PLA2G4F: variants seen among roughly 807,000 people sequenced by gnomAD.
PLA2G4F encodes phospholipase A2 group IVF, also known as cytosolic phospholipase A2 zeta.
PLA2G4F carries 105 observed loss-of-function variants against 103.1 expected under a neutral mutation model. The observed-to-expected ratio is 1.02, with a 90% CI of 0.87 to 1.20. PLA2G4F has a LOEUF of 1.20. PLA2G4F is among the 50% of genes most tolerant of loss of function. The pLI, the probability that PLA2G4F is intolerant of heterozygous loss-of-function variation, is 0.00. For missense variants in PLA2G4F, 1,155 were observed against 1,075.9 expected, an observed-to-expected ratio of 1.07 and a Z score of -1.03; for synonymous variants, 468 against 441.1, an observed-to-expected ratio of 1.06 and a Z score of -0.76.
intron 1 of PLA2G4F, 35 bp from the exon 2 acceptor site, chr15:42,155,624 A>C: frequency 6.3e-7 from 1 of 1,597,988 alleles, no homozygotes; most frequent in Non-Finnish European, 8.6e-7. Context: ...TCAGTCAGCT[A>C]GTGTGAGCCT....
rs116404033 is a variant in PLA2G4F at position 42,154,880 on chromosome 15, C to T, written c.185-422G>A. On this transcript the variant is annotated intron_variant, in intron 2 of 19. Coordinates refer to ENST00000397272, the MANE Select transcript of PLA2G4F (RefSeq NM_213600.4). Reference sequence around the variant, plus strand: ...GAGGCCGAGTCTGCACAGCTGTCCCCTCCAGCCCTGCCTGCCCTCACCTCC... The same window carrying T: ...GAGGCCGAGTCTGCACAGCTGTCCCTTCCAGCCCTGCCTGCCCTCACCTCC... Among the ~76,000 whole-genome samples, 649 of 152,268 alleles carry T rather than the reference C, an allele frequency of 4.3e-3. 5 individuals are homozygous for T. The highest frequency in any genetic ancestry group is 0.015 in the African/African-American group (620 of 41,550).
intron 1 of PLA2G4F, among the ~76,000 whole-genome samples, chr15:42,156,024 C>T (rs1200052596): frequency 1.3e-5 from 2 of 152,148 alleles, no homozygotes; most frequent in African/African-American, 2.4e-5. Flanking sequence ...TAGGAGGCAG[C>T]GAGCAGGTGA....
At chr15:42,151,162 A>T in intron 7 of PLA2G4F, 13 of 985,212 alleles carry the variant, frequency 1.3e-5, no homozygotes, top group Non-Finnish European at 1.6e-5. Flanking sequence ...CAGCCTCTTT[A>T]CTCATTGTGT....
Position 42,141,870 on chromosome 15 carries a change from C to T in PLA2G4F, c.*114G>A. The T allele has an allele frequency of 8.6e-7, 1 of 1,156,608 alleles. No individual in the cohort carries two copies. Among genetic ancestry groups the T allele is most frequent in the Non-Finnish European group, 1.2e-6 (1 of 814,564 alleles). 71.6% of individuals were successfully genotyped at this position (1,156,608 alleles called of 1,614,324 possible). On this transcript the variant is annotated 3_prime_UTR_variant, in exon 20 of 20. Coordinates refer to ENST00000397272, the MANE Select transcript of PLA2G4F (RefSeq NM_213600.4). ...GGCCTGGGGCACCTCGAGGCAGGTC[C>T]TGGAGAGAAGGGAAGCAGATCCTGC...
At position 42,152,773 on chromosome 15, in the gene PLA2G4F, T is replaced by C; in HGVS notation, c.535-19A>G. On this transcript the variant is annotated intron_variant, in intron 6 of 19. Coordinates refer to ENST00000397272, the MANE Select transcript of PLA2G4F (RefSeq NM_213600.4). ...GGTGAGCCTGAGGAAAGCAGAGGCC[T>C]GTAGGAGCCAGACAGCCCACGGCCC... is the stretch of plus-strand genomic sequence containing the variant. 6.4e-7 allele frequency: 1 copy of C among 1,552,250 alleles called. No individual in the cohort carries two copies. The highest frequency in any genetic ancestry group is 1.2e-5 in the South Asian group (1 of 84,044).
rs765058508 is a variant in PLA2G4F, at chr15:42,144,540, G to A, written c.1885C>T (p.Arg629Cys). 1.3e-5 allele frequency: 21 copies of A among 1,612,770 alleles called. No individual in the cohort carries two copies. The highest frequency in any genetic ancestry group is 8.8e-5 in the South Asian group (8 of 91,020). Reference protein sequence around the residue: ...SQAVLDIFTSRFTSAQSFNFT... With the variant: ...SQAVLDIFTSCFTSAQSFNFT... ...TTAAAGCTCTGGGCGGAAGTGAAGC[G>A]GGAGGTGAATATGTCCAGCACAGCC... The change falls in exon 17 of 20, where the codon CGC (arginine) becomes TGC (cysteine). Residue 629 changes from arginine to cysteine, a missense_variant. Arg to Cys is a radical substitution (Grantham distance 180). Around this residue, in one of 3 missense-constraint regions of PLA2G4F, gnomAD observed 782 missense variants for 692.9 expected, o/e 1.13. Transcript: ENST00000397272.
At chr15:42,152,019 G>C (rs554076629) in intron 7 of PLA2G4F, among the ~76,000 whole-genome samples, 1 of 152,216 alleles carries the variant, frequency 6.6e-6, no homozygotes, top group Non-Finnish European at 1.5e-5. Flanking sequence ...GCACTGGAAG[G>C]GGCCTTTGCT....
chr15:42,153,786 G>A, intron 4 of PLA2G4F, 126 bp from the exon 5 acceptor site: 8 of 1,043,572 alleles, frequency 7.7e-6, no homozygotes, highest in Middle Eastern at 4.3e-4. Context: ...GCTTGTCATG[G>A]ACATAGGAGG....
Position 42,146,236 on chromosome 15 carries a change from G to T in PLA2G4F, c.1425C>A (p.Asn475Lys). 6.2e-7 allele frequency: 1 copy of T among 1,614,148 alleles called. No homozygotes were observed. The highest frequency in any genetic ancestry group is 8.5e-7 in the Non-Finnish European group (1 of 1,179,966). Residue 475 changes from asparagine to lysine, a missense_variant, in exon 14 of 20, where the codon AAC becomes AAA. Asn to Lys is a moderately conservative substitution (Grantham distance 94). Around this residue, in one of 3 missense-constraint regions of PLA2G4F, gnomAD observed 782 missense variants for 692.9 expected, o/e 1.13. Coordinates refer to ENST00000397272, the MANE Select transcript of PLA2G4F (RefSeq NM_213600.4). ...CCTGTTGGTCAGACAGCTTGGCAGG[G>T]TTCTCCTGGGCAGGAAAGAAGGGAG... is the stretch of plus-strand genomic sequence containing the variant. ...LVEYLLYQEENPAKLSDQQEA... is the reference protein window; with the variant it reads ...LVEYLLYQEEKPAKLSDQQEA...
In PLA2G4F at chr15:42,147,197, C is replaced by T. The variant is rs146187157; in HGVS notation, c.1346G>A (p.Arg449Gln). 3.9e-4 allele frequency: 631 copies of T among 1,612,990 alleles called. No homozygotes were observed. Among genetic ancestry groups the T allele is most frequent in the Middle Eastern group, 5.2e-4 (3 of 5,810 alleles). Residue 449 changes from arginine to glutamine, a missense_variant, in exon 13 of 20, where the codon CGG (arginine) becomes CAG (glutamine). By Grantham distance (43) the Arg-to-Gln change is conservative (BLOSUM62 1). Coordinates refer to ENST00000397272, the MANE Select transcript of PLA2G4F (RefSeq NM_213600.4). ...GGACACGCTGTGGCCACTGCGCTCC[C>T]GGACCCCCAGTTCCTGAGTGTAGTA... ...LQYYTQELGV[R>Q]ERSGHSVSLI...
At chr15:42,146,064 T>C (rs2048881436) in intron 14 of PLA2G4F, 63 bp downstream of exon 14, 1 of 1,591,458 alleles carries the variant, frequency 6.3e-7, no homozygotes, top group South Asian at 1.1e-5. Flanking sequence ...CTGATCACCC[T>C]GGCCTCTCAC....
rs2048808850 is a variant in PLA2G4F at position 42,139,124 on chromosome 15, G to A, written c.*2860C>T. 6.6e-6 allele frequency: 1 copy of A among 152,418 alleles called. No homozygotes were observed. Among genetic ancestry groups the A allele is most frequent in the African/African-American group, 2.4e-5 (1 of 41,584 alleles). 9.4% of individuals were successfully genotyped at this position (152,418 alleles called of 1,614,324 possible). Reference sequence around the variant, plus strand: ...GAGCTGCTTGCTTTTATTCAGTGCAGGCACAATGCCAAAAGCCTGGAGCAA... The same window carrying A: ...GAGCTGCTTGCTTTTATTCAGTGCAAGCACAATGCCAAAAGCCTGGAGCAA... On this transcript the variant is annotated 3_prime_UTR_variant, in exon 20 of 20. Transcript: ENST00000397272.
At chr15:42,151,486 G>T (rs1383238833) in intron 7 of PLA2G4F, 4 of 985,146 alleles carry the variant, frequency 4.1e-6, no homozygotes, top group African/African-American at 1.7e-5. Context: ...GGGCAGAGGG[G>T]GCCGCAGACA....
At chr15:42,145,724 C>A (rs2048876274) in intron 15 of PLA2G4F, 42 bp from the exon 16 acceptor site, 1 of 1,613,536 alleles carries the variant, frequency 6.2e-7, no homozygotes, top group Non-Finnish European at 8.5e-7. Context: ...CAGGGCCTGG[C>A]CCCGGCACCT....
chr15:42,147,409 C>A, intron 12 of PLA2G4F, 63 bp from the exon 13 acceptor site: 1 of 1,513,136 alleles, frequency 6.6e-7, no homozygotes, highest in South Asian at 1.2e-5. Flanking sequence ...GAGAGGGGTG[C>A]AGAGTCTGTG....
rs769635311 is a variant in PLA2G4F at position 42,146,195 on chromosome 15, C to A, written c.1466G>T (p.Gly489Val). The part of the protein sequence containing the change: ...LSDQQEAVRQ[G>V]QNPYPIYTSV... ...GGTGTAAATGGGGTAAGGGTTCTGACCCTGGCGGACCGCCTCCTGTTGGTC... is the reference window on the plus strand; with the variant it reads ...GGTGTAAATGGGGTAAGGGTTCTGAACCTGGCGGACCGCCTCCTGTTGGTC... Residue 489 changes from glycine (G) to valine (V), a missense_variant, in exon 14 of 20, where the codon GGT becomes GTT. Transcript: ENST00000397272. 38 of 1,614,152 alleles carry A rather than the reference C, an allele frequency of 2.4e-5. No individual in the cohort carries two copies. The highest frequency in any genetic ancestry group is 3.2e-5 in the Non-Finnish European group (38 of 1,180,056).
intron 13 of PLA2G4F, 86 bp from the exon 14 acceptor site, chr15:42,146,327 G>A (rs1444017173): frequency 2.4e-5 from 30 of 1,263,680 alleles, no homozygotes; most frequent in South Asian, 2.3e-4. Flanking sequence ...CCTGCAAGGC[G>A]TGGTGTGCCC....
chr15:42,155,257 CCA>C (rs759634623), intron 2 of PLA2G4F, among the ~76,000 whole-genome samples: 6 of 151,596 alleles, frequency 4.0e-5, no homozygotes, highest in East Asian at 1.9e-4. Context: ...ACTCGTGTTC[CCA>C]CACACTCGCA....
At chr15:42,143,858 G>C (rs898783268) in intron 18 of PLA2G4F, 120 bp downstream of exon 18, 1 of 1,317,986 alleles carries the variant, frequency 7.6e-7, no homozygotes, top group Non-Finnish European at 1.0e-6. Context: ...GTCCACAAAG[G>C]GCAATCCCCA....
Sources: allele counts gnomAD v4.1 joint callset (sites outside exome capture counted in the v4.1 genomes callset), GRCh38; gene constraint gnomAD v4.1.1; regional missense constraint gnomAD v4.1.1; transcripts MANE v1.5; gene names NCBI Gene and HGNC (gene_info 2026-07-23, HGNC 2026-07-21).